PTK2: variants seen among roughly 807,000 people sequenced by gnomAD.
PTK2 encodes the protein protein tyrosine kinase 2, also known as focal adhesion kinase 1.
Under a neutral mutation model 150.1 loss-of-function variants are expected in PTK2, and 45 were observed. That is an observed-to-expected ratio of 0.30 (90% CI 0.24 to 0.38). The LOEUF (loss-of-function observed/expected upper bound fraction) is 0.38, where lower values mean the gene tolerates loss of function less well. Ranked by LOEUF, PTK2 falls within the 10% of genes least tolerant of loss-of-function variation. The pLI is 1.00. For missense variants in PTK2, 919 were observed against 1,307.3 expected (o/e 0.70, Z 4.58); for synonymous variants, 432 against 449.2 (o/e 0.96, Z 0.48).
chr8:140,664,588 C>G (rs945797945), intron 31 of PTK2, among the ~76,000 whole-genome samples: 1 of 152,222 alleles, frequency 6.6e-6, no homozygotes, highest in African/African-American at 2.4e-5. Context: ...GCACCAGCAG[C>G]AGTTTCCCAT....
intron 22 of PTK2, among the ~76,000 whole-genome samples, chr8:140,726,460 T>G (rs1227963518): frequency 6.6e-6 from 1 of 152,078 alleles, no homozygotes. Context: ...CCCAAGCACA[T>G]CCTACTTAAA....
chr8:140,732,461 T>G, intron 22 of PTK2: 1 of 466,978 alleles, frequency 2.1e-6, no homozygotes, highest in Non-Finnish European at 4.2e-6. Context: ...CATTCCTTAG[T>G]ATTAAGAATC....
chr8:140,892,647 AT>A (rs1433923298), intron 2 of PTK2: 3 of 433,518 alleles, frequency 6.9e-6, no homozygotes, highest in African/African-American at 2.1e-5. Flanking sequence ...AAAAAAAAAA[AT>A]GGTATAACAG....
intron 10 of PTK2, among the ~76,000 whole-genome samples, chr8:140,814,691 C>T (rs2100103591): frequency 6.6e-6 from 1 of 151,964 alleles, no homozygotes; most frequent in Admixed American, 6.6e-5. Context: ...GACAGTGTAG[C>T]AATTCCTCAA....
At chr8:140,804,889 C>T (rs771311004) in intron 10 of PTK2, among the ~76,000 whole-genome samples, 27 of 152,324 alleles carry the variant, frequency 1.8e-4, no homozygotes, top group Middle Eastern at 3.4e-3. Flanking sequence ...CCCACAGCCC[C>T]TCTGCATATT....
intron 29 of PTK2, among the ~76,000 whole-genome samples, chr8:140,671,791 G>A (rs1209715698): frequency 6.7e-6 from 1 of 148,322 alleles, no homozygotes; most frequent in Non-Finnish European, 1.5e-5. Context: ...AATTAGATGG[G>A]CCTGGTGGCG....
intron 27 of PTK2, among the ~76,000 whole-genome samples, chr8:140,681,194 G>A (rs866723346): frequency 9.9e-5 from 15 of 151,642 alleles, no homozygotes; most frequent in African/African-American, 3.4e-4. Flanking sequence ...GTGAAACCCC[G>A]TCTCTACTAA....
At chr8:140,685,875 C>T (rs1419290218) in intron 27 of PTK2, among the ~76,000 whole-genome samples, 3 of 152,156 alleles carry the variant, frequency 2.0e-5, no homozygotes, top group African/African-American at 7.2e-5. Flanking sequence ...CCAGCAATCC[C>T]CTTATTGGGT....
chr8:140,755,494 C>G (rs765013140), intron 16 of PTK2, among the ~76,000 whole-genome samples: 60 of 152,270 alleles, frequency 3.9e-4, no homozygotes, highest in Non-Finnish European at 5.0e-4. Flanking sequence ...ACTGGCTGTT[C>G]CTTCTGCCTA....
chr8:140,864,397 T>C, exon 5 of PTK2: 1 of 1,536,546 alleles, frequency 6.5e-7, no homozygotes, highest in African/African-American at 1.4e-5. Flanking sequence ...TCTCAATTCA[T>C]ATCTAAAAAT....
At chr8:140,841,395 C>T (rs577129355) in intron 7 of PTK2, among the ~76,000 whole-genome samples, 84 of 152,116 alleles carry the variant, frequency 5.5e-4, no homozygotes, top group African/African-American at 1.6e-3. Flanking sequence ...ACACAGACCA[C>T]GCTATCTGAG....
chr8:140,794,612 G>C (rs562244229), intron 12 of PTK2, among the ~76,000 whole-genome samples: 8 of 152,216 alleles, frequency 5.3e-5, no homozygotes, highest in African/African-American at 1.9e-4. Context: ...GTCCTTCTGA[G>C]AGCTTCCCAC....
At chr8:140,799,542 T>C (rs144245353) in intron 12 of PTK2, among the ~76,000 whole-genome samples, 1 of 152,176 alleles carries the variant, frequency 6.6e-6, no homozygotes, top group Non-Finnish European at 1.5e-5. Flanking sequence ...CCCTACAAAA[T>C]AGGTATCATT....
chr8:140,900,728 A>G (rs1331154302), intron 2 of PTK2, among the ~76,000 whole-genome samples: 4 of 149,606 alleles, frequency 2.7e-5, no homozygotes, highest in African/African-American at 9.8e-5. Flanking sequence ...TCAAAAAGAG[A>G]GAAAAAAAAG....
intron 15 of PTK2, 109 bp downstream of exon 17, chr8:140,764,125 C>T: frequency 1.1e-6 from 1 of 889,238 alleles, no homozygotes; most frequent in African/African-American, 1.6e-5. Flanking sequence ...GTTCAGCATC[C>T]AAGGAAGTAT....
intron 13 of PTK2, among the ~76,000 whole-genome samples, chr8:140,792,250 G>A (rs1023478868): frequency 3.9e-5 from 6 of 152,190 alleles, no homozygotes; most frequent in Non-Finnish European, 8.8e-5. Context: ...TTCCTTCTGG[G>A]AGTCTGGTAT....
chr8:140,660,578 T>C (rs2078145472), intron 31 of PTK2: 1 of 453,280 alleles, frequency 2.2e-6, no homozygotes, highest in Non-Finnish European at 4.4e-6. Flanking sequence ...TACAAAAAGT[T>C]AGCTGAGTAT....
At chr8:140,658,638 A>C (rs899316356) in exon 32 of PTK2, 9 of 208,236 alleles carry the variant, frequency 4.3e-5, no homozygotes, top group Non-Finnish European at 8.8e-5. Flanking sequence ...AAAATAGTCA[A>C]CATGGCTTTA....
chr8:140,735,327 A>G (rs1565333274), exon 22 of PTK2: 4 of 1,614,014 alleles, frequency 2.5e-6, no homozygotes. Flanking sequence ...ATAAGGCTGT[A>G]GAGGGTAGGA....
Sources: allele counts gnomAD v4.1 joint callset (sites outside exome capture counted in the v4.1 genomes callset), GRCh38; gene constraint gnomAD v4.1.1; transcripts MANE v1.5; gene names NCBI Gene and HGNC (gene_info 2026-07-23, HGNC 2026-07-21).